STON1: variants seen among roughly 807,000 people sequenced by gnomAD.
STON1 encodes the protein stonin-1.
STON1 carries 79 observed loss-of-function variants against 60.9 expected under a neutral mutation model. The observed-to-expected ratio is 1.30, with a 90% CI of 1.08 to 1.56. The LOEUF is 1.56. STON1 is among the 40% of genes most tolerant of loss of function. The pLI, the probability that STON1 is intolerant of heterozygous loss-of-function variation, is 0.00. For missense variants in STON1, 1,166 were observed against 858.9 expected, an observed-to-expected ratio of 1.36 and a Z score of -4.47; for synonymous variants, 363 against 306.9, an observed-to-expected ratio of 1.18 and a Z score of -1.91.
intron 1 of STON1, among the ~76,000 whole-genome samples, chr2:48,563,349 C>T (rs916105754): frequency 2.0e-5 from 3 of 152,214 alleles, no homozygotes; most frequent in Admixed American, 1.3e-4. Context: ...AGCAAGAGCT[C>T]ATTCCAGTCA....
chr2:48,570,671 G>A (rs1437625672), intron 1 of STON1, among the ~76,000 whole-genome samples: 1 of 151,866 alleles, frequency 6.6e-6, no homozygotes, highest in Non-Finnish European at 1.5e-5. Context: ...CTTGAGTTCA[G>A]TGCTTTGAAA....
chr2:48,577,498 T>A (rs903691092), intron 1 of STON1, among the ~76,000 whole-genome samples: 10 of 151,442 alleles, frequency 6.6e-5, no homozygotes, highest in Admixed American at 6.6e-4. Flanking sequence ...GGAGAATTGA[T>A]TGAACCAGGG....
chr2:48,582,868 A>G (rs1338971703), intron 2 of STON1, among the ~76,000 whole-genome samples: 1 of 152,204 alleles, frequency 6.6e-6, no homozygotes, highest in African/African-American at 2.4e-5. Context: ...GTTGAGATTA[A>G]CGCATCAACT....
At chr2:48,563,422 C>T (rs552604291) in intron 1 of STON1, among the ~76,000 whole-genome samples, 4 of 152,234 alleles carry the variant, frequency 2.6e-5, no homozygotes, top group Non-Finnish European at 4.4e-5. Context: ...TGTCCTCCTA[C>T]GCGGACTGCT....
At chr2:48,555,015 A>C (rs1672262932) in intron 1 of STON1, among the ~76,000 whole-genome samples, 1 of 57,192 alleles carries the variant, frequency 1.7e-5, no homozygotes. Context: ...TGGACACAGC[A>C]CATGTTTCAG....
intron 1 of STON1, among the ~76,000 whole-genome samples, chr2:48,553,635 A>T (rs111636489): frequency 0.044 from 6,612 of 151,922 alleles, 446 homozygotes; most frequent in African/African-American, 0.14. Context: ...TTACAGGCAC[A>T]TGCCACCATG....
chr2:48,576,967 T>A (rs540643515), intron 1 of STON1, among the ~76,000 whole-genome samples: 1 of 150,946 alleles, frequency 6.6e-6, no homozygotes, highest in East Asian at 2.0e-4. Context: ...GGTAGGAGAA[T>A]GGCGTGAACC....
chr2:48,594,393 T>C (rs1674686741), intron 3 of STON1, among the ~76,000 whole-genome samples: 1 of 152,168 alleles, frequency 6.6e-6, no homozygotes, highest in Non-Finnish European at 1.5e-5. Context: ...TAGCATTTAC[T>C]AGTTGATGTG....
At chr2:48,549,538 G>A (rs970239924) in intron 1 of STON1, among the ~76,000 whole-genome samples, 16 of 152,168 alleles carry the variant, frequency 1.1e-4, no homozygotes, top group Admixed American at 7.9e-4. Context: ...TAGGCCGGGC[G>A]CGGTGGCTCA....
intron 2 of STON1, among the ~76,000 whole-genome samples, chr2:48,585,883 A>G (rs1466872234): frequency 1.3e-5 from 2 of 152,242 alleles, no homozygotes; most frequent in Non-Finnish European, 2.9e-5. Flanking sequence ...CTAGAACAAA[A>G]GGTCCAAAGC....
At chr2:48,533,755 A>C (rs1340064135) in intron 1 of STON1, among the ~76,000 whole-genome samples, 2 of 142,930 alleles carry the variant, frequency 1.4e-5, no homozygotes, top group African/African-American at 2.6e-5. Context: ...AAGAATGTTG[A>C]ATTACACAGG....
chr2:48,557,009 C>G (rs1180645857), intron 1 of STON1, among the ~76,000 whole-genome samples: 136 of 52,336 alleles, frequency 2.6e-3, no homozygotes, highest in Middle Eastern at 8.8e-3. Flanking sequence ...GGCACGGCTG[C>G]CCGGGCGGGG....
At chr2:48,570,843 GTTTTTTTTTTTTTTTT>G (rs70946811) in intron 1 of STON1, among the ~76,000 whole-genome samples, 1 of 77,100 alleles carries the variant, frequency 1.3e-5, no homozygotes, top group Non-Finnish European at 2.3e-5. Flanking sequence ...CTGTCTCTGA[GTTTTTTTTTTTTTTTT>G]TTTTTTTTTT....
chr2:48,538,142 A>T (rs973301497), intron 1 of STON1, among the ~76,000 whole-genome samples: 1 of 151,990 alleles, frequency 6.6e-6, no homozygotes, highest in Non-Finnish European at 1.5e-5. Context: ...TATTTTTAGT[A>T]GAGATGGAAT....
intron 2 of STON1, among the ~76,000 whole-genome samples, chr2:48,586,307 A>G (rs1343843932): frequency 6.6e-6 from 1 of 152,208 alleles, no homozygotes; most frequent in African/African-American, 2.4e-5. Context: ...AAGTTCTTCT[A>G]GGTATAGGTT....
intron 1 of STON1, among the ~76,000 whole-genome samples, chr2:48,551,891 G>A (rs532833780): frequency 6.6e-6 from 1 of 152,330 alleles, no homozygotes; most frequent in South Asian, 2.1e-4. Flanking sequence ...AGCCCACTGT[G>A]ACAAGTGATG....
chr2:48,582,522 C>T lies in STON1; in HGVS notation c.1889C>T (p.Ala630Val). 2.5e-6 allele frequency: 4 copies of T among 1,614,068 alleles called. No homozygotes were observed. The highest frequency in any genetic ancestry group is 1.1e-5 in the South Asian group (1 of 91,056). The change falls in exon 2 of 4, where the codon GCA becomes GTA. Residue 630 changes from alanine to valine, a missense_variant. By Grantham distance (64) the Ala-to-Val change is moderately conservative. Transcript: ENST00000404752. ...GSAKYESAYQ[A>V]VVWKIDRLPD... is the part of the protein sequence containing the mutation. ...GCAAAATATGAGAGTGCCTACCAGG[C>T]AGTGGTATGGAAGATAGATCGGCTT...
intron 1 of STON1, among the ~76,000 whole-genome samples, chr2:48,565,347 C>T (rs553635013): frequency 6.6e-6 from 1 of 152,160 alleles, no homozygotes; most frequent in Admixed American, 6.5e-5. Flanking sequence ...CCACCGCGCC[C>T]AGCCTCCGAC....
chr2:48,542,057 C>T (rs565445447), intron 1 of STON1, among the ~76,000 whole-genome samples: 2 of 152,320 alleles, frequency 1.3e-5, no homozygotes, highest in South Asian at 2.1e-4. Flanking sequence ...GGAAAAGTTC[C>T]TGTTGTCCTT....
Sources: allele counts gnomAD v4.1 joint callset (sites outside exome capture counted in the v4.1 genomes callset), GRCh38; gene constraint gnomAD v4.1.1; transcripts MANE v1.5; gene names NCBI Gene and HGNC (gene_info 2026-07-23, HGNC 2026-07-21).